Variants in KCNH1 observed in about 807,000 individuals in gnomAD.
KCNH1 encodes voltage-gated delayed rectifier potassium channel KCNH1.
In KCNH1, 27 loss-of-function variants were observed where a neutral mutation model predicts 69.2. The observed-to-expected ratio is 0.39, with a 90% CI of 0.29 to 0.54. KCNH1 has a LOEUF of 0.54. Among genes scored for constraint, KCNH1 ranks in the 20% least tolerant of loss-of-function variants. The probability of loss-of-function intolerance (pLI) is 0.68; values close to 1 mark genes in which losing one functional copy is unlikely to be tolerated. For missense variants in KCNH1, 798 were observed against 1,261.6 expected (o/e 0.63, Z 5.57); for synonymous variants, 456 against 487.7 (o/e 0.93, Z 0.86).
intron 10 of KCNH1, among the ~76,000 whole-genome samples, chr1:210,685,953 G>A (rs1336278396): frequency 1.3e-5 from 2 of 152,230 alleles, no homozygotes; most frequent in African/African-American, 4.8e-5. Context: ...GTCACTGGCT[G>A]ACTTTACACT....
At chr1:210,719,751 T>A (rs945161632) in intron 10 of KCNH1, among the ~76,000 whole-genome samples, 4 of 152,116 alleles carry the variant, frequency 2.6e-5, no homozygotes, top group Admixed American at 2.0e-4. Flanking sequence ...TAACTCAATA[T>A]GTGGAATAAG....
At chr1:210,745,320 G>A (rs1217261643) in intron 10 of KCNH1, among the ~76,000 whole-genome samples, 1 of 152,166 alleles carries the variant, frequency 6.6e-6, no homozygotes, top group Non-Finnish European at 1.5e-5. Context: ...GGTCTCTGAG[G>A]AAATGGTTTA....
intron 7 of KCNH1, among the ~76,000 whole-genome samples, chr1:210,906,606 G>A (rs1477825569): frequency 1.3e-5 from 2 of 152,186 alleles, no homozygotes; most frequent in East Asian, 3.9e-4. Context: ...GACATCCAGT[G>A]GGTGAAATTT....
chr1:210,806,411 T>C (rs543794360), intron 7 of KCNH1, among the ~76,000 whole-genome samples: 1 of 152,254 alleles, frequency 6.6e-6, no homozygotes, highest in East Asian at 1.9e-4. Context: ...TTTTTATTGT[T>C]GAGTTCTAAG....
intron 10 of KCNH1, among the ~76,000 whole-genome samples, chr1:210,747,593 G>A (rs1373125033): frequency 2.0e-5 from 3 of 148,566 alleles, no homozygotes; most frequent in Non-Finnish European, 4.4e-5. Context: ...GACTTGGGAA[G>A]ATATTAAGCT....
intron 7 of KCNH1, chr1:210,860,248 A>G (rs561505469): frequency 1.7e-4 from 248 of 1,472,776 alleles, no homozygotes; most frequent in South Asian, 1.5e-3. Context: ...AAAGACTTCA[A>G]ATACAAGGGG....
chr1:210,957,535 TTG>T (rs1409968730), intron 6 of KCNH1, among the ~76,000 whole-genome samples: 2 of 152,116 alleles, frequency 1.3e-5, no homozygotes, highest in Non-Finnish European at 2.9e-5. Flanking sequence ...CCCATTATTA[TTG>T]TGTGGGAGCC....
chr1:211,029,934 C>G (rs1244377958), intron 5 of KCNH1, among the ~76,000 whole-genome samples: 1 of 152,026 alleles, frequency 6.6e-6, no homozygotes, highest in Non-Finnish European at 1.5e-5. Flanking sequence ...TATAATCATT[C>G]CAAAAATACT....
At chr1:210,872,710 AACTC>A (rs1218917113) in intron 7 of KCNH1, among the ~76,000 whole-genome samples, 2 of 152,108 alleles carry the variant, frequency 1.3e-5, no homozygotes, top group East Asian at 1.9e-4. Context: ...ATCTCATGAT[AACTC>A]ACTCACTCAC....
chr1:210,853,593 T>G (rs2102469831), intron 7 of KCNH1, among the ~76,000 whole-genome samples: 1 of 152,332 alleles, frequency 6.6e-6, no homozygotes, highest in African/African-American at 2.4e-5. Context: ...AGGCCCAGCC[T>G]GATTGGGTAC....
In KCNH1 at chr1:210,908,876, C is replaced by T. The variant is rs558843839; in HGVS notation, c.1462+10764G>A. Among the ~76,000 whole-genome samples, 9 of 152,292 alleles carry T rather than the reference C, an allele frequency of 5.9e-5. No homozygotes were observed. In the South Asian group the frequency reaches 6.2e-4, roughly 11 times the overall value. On this transcript the variant is annotated intron_variant, in intron 7 of 10. Coordinates refer to ENST00000271751, the MANE Select transcript of KCNH1 (RefSeq NM_172362.3). ...CAGGGTTGGCTCTGCAAGCAGGGCA[C>T]GTGCAGCTCTGCAGAACTCACTGGT... is the stretch of plus-strand genomic sequence containing the variant.
At chr1:210,803,068 T>A (rs1294003905) in intron 8 of KCNH1, among the ~76,000 whole-genome samples, 2 of 152,196 alleles carry the variant, frequency 1.3e-5, no homozygotes, top group Non-Finnish European at 2.9e-5. Context: ...ATTTCACAGA[T>A]CTGGGATGGA....
chr1:210,826,276 T>C (rs1263393005), intron 7 of KCNH1, among the ~76,000 whole-genome samples: 2 of 152,174 alleles, frequency 1.3e-5, no homozygotes, highest in South Asian at 2.1e-4. Context: ...CCATCATCAG[T>C]AGGCGAGCTC....
intron 6 of KCNH1, among the ~76,000 whole-genome samples, chr1:210,938,423 G>C (rs1336184036): frequency 6.6e-6 from 1 of 152,116 alleles, no homozygotes. Flanking sequence ...AATTTATTCA[G>C]TTTTTTAAAT....
intron 8 of KCNH1, among the ~76,000 whole-genome samples, chr1:210,800,529 G>T (rs1433220966): frequency 6.6e-6 from 1 of 152,206 alleles, no homozygotes. Context: ...AGAGCCAATG[G>T]AGAGTACAGT....
chr1:210,982,531 G>T (rs1427753478), intron 6 of KCNH1, among the ~76,000 whole-genome samples: 1 of 151,036 alleles, frequency 6.6e-6, no homozygotes, highest in African/African-American at 2.4e-5. Context: ...TTGGTTTTTT[G>T]TCCTTGTGAT....
chr1:211,034,956 T>C (rs997248638), intron 5 of KCNH1, among the ~76,000 whole-genome samples: 1 of 152,200 alleles, frequency 6.6e-6, no homozygotes, highest in East Asian at 1.9e-4. Flanking sequence ...TGATATAATC[T>C]ATAATTATTT....
rs539035165 is a variant in KCNH1 at position 210,975,154 on chromosome 1, C to T, written c.1032+43629G>A. ...ATATTTTATAAGACATGTCTGCTAG[C>T]AACCAGTTTTACCAGTCTTTATTAG... On this transcript the variant is annotated intron_variant, in intron 6 of 10. Transcript: ENST00000271751. 3.9e-5 allele frequency among the ~76,000 whole-genome samples: 6 copies of T among 152,240 alleles called. No homozygotes were observed. In the South Asian group the frequency reaches 1.2e-3, roughly 32 times the overall value.
At chr1:210,906,748 C>G (rs1354628592) in intron 7 of KCNH1, among the ~76,000 whole-genome samples, 1 of 152,170 alleles carries the variant, frequency 6.6e-6, no homozygotes, top group African/African-American at 2.4e-5. Flanking sequence ...AGAAGCTCCC[C>G]CTGCAAGTTT....
Sources: allele counts gnomAD v4.1 joint callset (sites outside exome capture counted in the v4.1 genomes callset), GRCh38; gene constraint gnomAD v4.1.1; transcripts MANE v1.5; gene names NCBI Gene and HGNC (gene_info 2026-07-23, HGNC 2026-07-21).